ST3GAL3: variants seen among roughly 807,000 people sequenced by gnomAD.
ST3GAL3 encodes ST3 beta-galactoside alpha-2,3-sialyltransferase 3.
ST3GAL3 carries 21 observed loss-of-function variants against 50.1 expected under a neutral mutation model. The ratio of observed to expected loss-of-function variants is 0.42; its 90% CI spans 0.30 to 0.60. The LOEUF is 0.60. ST3GAL3 is among the 20% of genes least tolerant of loss of function. ST3GAL3 has a pLI of 0.19. For synonymous variants in ST3GAL3, 183 were observed against 190.0 expected (o/e 0.96, Z 0.30); for missense variants, 353 against 489.4 (o/e 0.72, Z 2.63).
chr1:43,780,156 T>C (rs1453980081), intron 2 of ST3GAL3, among the ~76,000 whole-genome samples: 1 of 152,150 alleles, frequency 6.6e-6, no homozygotes, highest in Non-Finnish European at 1.5e-5. Flanking sequence ...TACCTGAAAA[T>C]GTCTTTATTC....
At chr1:43,909,038 A>G (rs1474375064) in intron 9 of ST3GAL3, among the ~76,000 whole-genome samples, 1 of 152,172 alleles carries the variant, frequency 6.6e-6, no homozygotes, top group African/African-American at 2.4e-5. Flanking sequence ...CCATGGATGT[A>G]TGAGATGCTC....
chr1:43,724,206 A>T (rs1045390152), intron 1 of ST3GAL3, among the ~76,000 whole-genome samples: 3 of 151,528 alleles, frequency 2.0e-5, no homozygotes, highest in East Asian at 1.9e-4. Flanking sequence ...AATATATTTT[A>T]TTTATTTATT....
chr1:43,894,346 C>A lies in ST3GAL3; in HGVS notation c.303-37C>A, dbSNP rs780230711. On this transcript the variant is annotated intron_variant, in intron 5 of 11. Transcript: ENST00000347631. ...GTGCCACCAGTAATCCAGACTGTTG[C>A]GTTTTTGTGATCCTCAGCAGTCCTG... The A allele has an allele frequency of 4.4e-6, 7 of 1,595,700 alleles. No individual in the cohort carries two copies. In the East Asian group the frequency reaches 1.3e-4, roughly 31 times the overall value.
At chr1:43,885,715 AC>A (rs1444155767) in intron 5 of ST3GAL3, among the ~76,000 whole-genome samples, 2 of 151,412 alleles carry the variant, frequency 1.3e-5, no homozygotes, top group Non-Finnish European at 2.9e-5. Context: ...CCATCACCCC[AC>A]CCCGACATTT....
chr1:43,804,890 G>A (rs74070702), intron 3 of ST3GAL3, among the ~76,000 whole-genome samples: 55,639 of 151,916 alleles, frequency 0.37, 10,933 homozygotes, highest in East Asian at 0.59. Flanking sequence ...ACTGCAAGGG[G>A]TGGAGGAAGA....
chr1:43,744,291 C>G (rs1386007903), intron 2 of ST3GAL3, among the ~76,000 whole-genome samples: 3 of 151,916 alleles, frequency 2.0e-5, no homozygotes, highest in Non-Finnish European at 4.4e-5. Context: ...GCTCTCTCGC[C>G]CATGCTGGAG....
At chr1:43,752,745 C>T (rs1204193885) in intron 2 of ST3GAL3, among the ~76,000 whole-genome samples, 1 of 152,182 alleles carries the variant, frequency 6.6e-6, no homozygotes, top group Non-Finnish European at 1.5e-5. Flanking sequence ...TCAAGCGATC[C>T]TCCCACCTCA....
chr1:43,805,203 G>A (rs2059736214), intron 3 of ST3GAL3, among the ~76,000 whole-genome samples: 1 of 152,160 alleles, frequency 6.6e-6, no homozygotes, highest in African/African-American at 2.4e-5. Flanking sequence ...AACATGAAGG[G>A]CAGCCCCAGG....
chr1:43,724,208 T>C (rs746906926), intron 1 of ST3GAL3, among the ~76,000 whole-genome samples: 8 of 151,832 alleles, frequency 5.3e-5, no homozygotes, highest in Non-Finnish European at 8.8e-5. Context: ...TATATTTTAT[T>C]TATTTATTTA....
chr1:43,904,963 C>T (rs1206522172), intron 9 of ST3GAL3, among the ~76,000 whole-genome samples: 1 of 83,142 alleles, frequency 1.2e-5, no homozygotes, highest in Non-Finnish European at 2.5e-5. Flanking sequence ...CTCTTCCTCC[C>T]CTTCCTGCTC....
chr1:43,829,057 A>C (rs1308664559), intron 4 of ST3GAL3, among the ~76,000 whole-genome samples: 1 of 152,180 alleles, frequency 6.6e-6, no homozygotes, highest in Non-Finnish European at 1.5e-5. Flanking sequence ...ACATCTAGAC[A>C]ATGGACTACT....
intron 5 of ST3GAL3, among the ~76,000 whole-genome samples, chr1:43,876,233 G>A (rs1401308166): frequency 6.6e-6 from 1 of 151,998 alleles, no homozygotes; most frequent in African/African-American, 2.4e-5. Flanking sequence ...TAAAGTACTG[G>A]GATTACAGGC....
chr1:43,862,016 G>GA (rs2070084001), intron 5 of ST3GAL3, among the ~76,000 whole-genome samples: 1 of 145,292 alleles, frequency 6.9e-6, no homozygotes, highest in South Asian at 2.1e-4. Flanking sequence ...CAACAAGAGC[G>GA]AAAATCTGTC....
chr1:43,760,497 T>C (rs1689861475), intron 2 of ST3GAL3, among the ~76,000 whole-genome samples: 1 of 152,262 alleles, frequency 6.6e-6, no homozygotes, highest in Non-Finnish European at 1.5e-5. Flanking sequence ...GGCTCACGCC[T>C]GTAATCCCAG....
intron 9 of ST3GAL3, among the ~76,000 whole-genome samples, chr1:43,915,460 C>G (rs1571379065): frequency 2.6e-5 from 4 of 152,338 alleles, no homozygotes; most frequent in African/African-American, 9.6e-5. Context: ...TGCCCAGGAT[C>G]TGCACATGGT....
At chr1:43,926,538 G>A (rs553996455) in intron 11 of ST3GAL3, among the ~76,000 whole-genome samples, 6 of 151,264 alleles carry the variant, frequency 4.0e-5, no homozygotes, top group South Asian at 2.1e-4. Flanking sequence ...GCAGTGAGCC[G>A]AGGTTGCAGT....
intron 2 of ST3GAL3, among the ~76,000 whole-genome samples, chr1:43,791,277 T>C (rs1300228191): frequency 6.6e-6 from 1 of 152,248 alleles, no homozygotes; most frequent in Non-Finnish European, 1.5e-5. Context: ...GTTTGTTCTT[T>C]GGTAACATTT....
chr1:43,816,489 C>T (rs1196499898), intron 4 of ST3GAL3, among the ~76,000 whole-genome samples: 2 of 152,084 alleles, frequency 1.3e-5, no homozygotes, highest in African/African-American at 4.8e-5. Flanking sequence ...CTTAGAAAAT[C>T]CTTAATTTAG....
chr1:43,810,771 T>A (rs2060465641), intron 3 of ST3GAL3, among the ~76,000 whole-genome samples: 1 of 151,944 alleles, frequency 6.6e-6, no homozygotes. Context: ...GCGAATGCAA[T>A]CCCTTGCCAG....
Sources: gnomAD v4.1 joint callset for allele counts (sites outside exome capture counted in the v4.1 genomes callset) on GRCh38, gnomAD v4.1.1 for gene constraint, MANE v1.5 for transcripts, NCBI Gene and HGNC (gene_info 2026-07-23, HGNC 2026-07-21) for gene names.